The following TMEM117 variants were observed in gnomAD, a reference collection of about 807,000 sequenced individuals.
TMEM117 encodes the protein transmembrane protein 117.
TMEM117 carries 27 observed loss-of-function variants against 52.4 expected under a neutral mutation model. That is an observed-to-expected ratio of 0.51 (90% confidence interval 0.38 to 0.71). TMEM117 has a LOEUF of 0.71. Among genes scored for constraint, TMEM117 ranks in the 30% least tolerant of loss-of-function variants. The pLI is 0.00. For synonymous variants in TMEM117, 215 were observed against 206.3 expected (o/e 1.04, Z -0.36); for missense variants, 556 against 630.5 (o/e 0.88, Z 1.26).
intron 3 of TMEM117, among the ~76,000 whole-genome samples, chr12:44,121,042 G>A (rs191958432): frequency 2.0e-5 from 3 of 152,182 alleles, no homozygotes; most frequent in African/African-American, 4.8e-5. Flanking sequence ...TGAGAGGCAC[G>A]TGTTACATGG....
intron 3 of TMEM117, among the ~76,000 whole-genome samples, chr12:43,988,967 G>A (rs1270497270): frequency 3.9e-5 from 6 of 152,056 alleles, no homozygotes; most frequent in Admixed American, 3.9e-4. Flanking sequence ...AACTACAGTT[G>A]ATAGGTAGTG....
intron 3 of TMEM117, among the ~76,000 whole-genome samples, chr12:43,994,676 A>G (rs1162952076): frequency 4.6e-5 from 7 of 152,090 alleles, no homozygotes; most frequent in South Asian, 4.1e-4. Flanking sequence ...TTCCTTTTCA[A>G]TTAATTGAAA....
At chr12:44,335,189 C>T (rs1356755708) in intron 6 of TMEM117, among the ~76,000 whole-genome samples, 1 of 151,868 alleles carries the variant, frequency 6.6e-6, no homozygotes, top group African/African-American at 2.4e-5. Flanking sequence ...GGATATGTGG[C>T]CTGAAGTCAG....
At chr12:44,206,743 A>G (rs1457672642) in intron 4 of TMEM117, among the ~76,000 whole-genome samples, 1 of 152,190 alleles carries the variant, frequency 6.6e-6, no homozygotes, top group Non-Finnish European at 1.5e-5. Flanking sequence ...ATTCTAACTT[A>G]TAAGTGGCAT....
At chr12:43,997,103 A>G (rs1242560839) in intron 3 of TMEM117, among the ~76,000 whole-genome samples, 1 of 152,208 alleles carries the variant, frequency 6.6e-6, no homozygotes, top group Non-Finnish European at 1.5e-5. Flanking sequence ...CATTTGCTTT[A>G]GAAGGGTAAA....
chr12:44,234,489 T>G (rs998987610), intron 5 of TMEM117, among the ~76,000 whole-genome samples: 4 of 151,282 alleles, frequency 2.6e-5, no homozygotes, highest in African/African-American at 9.7e-5. Context: ...TGTGCTTCTT[T>G]TCTTCATTAT....
At chr12:43,797,711 C>G in the TMEM117 span, 2 of 1,611,538 alleles carry the variant, frequency 1.2e-6, no homozygotes, top group Non-Finnish European at 8.5e-7. Flanking sequence ...CTCTTACCAA[C>G]TGCACATAGT....
At chr12:44,141,087 A>G (rs1353460931) in intron 3 of TMEM117, among the ~76,000 whole-genome samples, 8 of 152,078 alleles carry the variant, frequency 5.3e-5, no homozygotes, top group Admixed American at 2.6e-4. Context: ...CATTGCCTCA[A>G]CAATTTTAAT....
At chr12:44,303,215 G>T (rs1950863730) in intron 6 of TMEM117, among the ~76,000 whole-genome samples, 1 of 151,376 alleles carries the variant, frequency 6.6e-6, no homozygotes, top group African/African-American at 2.4e-5. Context: ...GGCTAATTTT[G>T]TATTTTTTTT....
intron 3 of TMEM117, among the ~76,000 whole-genome samples, chr12:44,066,884 T>C (rs972152854): frequency 1.3e-5 from 2 of 152,196 alleles, no homozygotes; most frequent in African/African-American, 2.4e-5. Flanking sequence ...CTGTAGCATG[T>C]GATGCTGTTT....
At chr12:44,146,388 C>T (rs1013648247) in intron 4 of TMEM117, among the ~76,000 whole-genome samples, 1 of 152,190 alleles carries the variant, frequency 6.6e-6, no homozygotes. Context: ...TCAAGAAAAC[C>T]GTGTTCTAGG....
intron 4 of TMEM117, among the ~76,000 whole-genome samples, chr12:44,190,345 C>T (rs1342778370): frequency 6.6e-6 from 1 of 152,112 alleles, no homozygotes; most frequent in Non-Finnish European, 1.5e-5. Context: ...CTATGCTTCT[C>T]AATGAAGGGT....
At chr12:44,365,651 A>T (rs779652607) in intron 6 of TMEM117, among the ~76,000 whole-genome samples, 10 of 152,098 alleles carry the variant, frequency 6.6e-5, no homozygotes, top group Non-Finnish European at 1.2e-4. Context: ...TAGACTAAAT[A>T]TATCAAATGC....
Position 44,075,102 on chromosome 12 carries a change from A to G in TMEM117, c.411-68423A>G, listed in dbSNP as rs140639633. On this transcript the variant is annotated intron_variant, in intron 3 of 7. Coordinates refer to ENST00000266534, the MANE Select transcript of TMEM117 (RefSeq NM_032256.3). Reference sequence around the variant, plus strand: ...CTGATTTTTTTAGACTGGCTTAGTCATAACTTTGTCTACATGTAAGAGACT... The same window carrying G: ...CTGATTTTTTTAGACTGGCTTAGTCGTAACTTTGTCTACATGTAAGAGACT... Among the ~76,000 whole-genome samples, 947 of 152,302 alleles carry G rather than the reference A, an allele frequency of 6.2e-3. 15 individuals carry two copies. The highest frequency in any genetic ancestry group is 0.027 in the Admixed American group (409 of 15,292).
the TMEM117 span, chr12:43,802,494 T>C: frequency 1.9e-6 from 3 of 1,545,900 alleles, no homozygotes; most frequent in African/African-American, 2.7e-5. Context: ...GAAAGATAGG[T>C]AAATGGTTTG....
intron 5 of TMEM117, among the ~76,000 whole-genome samples, chr12:44,287,422 T>C (rs1242003978): frequency 6.6e-6 from 1 of 152,166 alleles, no homozygotes; most frequent in Non-Finnish European, 1.5e-5. Context: ...CCCCAAGAAG[T>C]ATGGTCCAGA....
intron 2 of TMEM117, among the ~76,000 whole-genome samples, chr12:43,869,909 CT>C (rs1943673724): frequency 6.6e-6 from 1 of 152,168 alleles, no homozygotes; most frequent in South Asian, 2.1e-4. Flanking sequence ...GATCCTCTCC[CT>C]TCTCCCACCA....
At chr12:44,049,198 AT>A (rs1179967583) in intron 3 of TMEM117, among the ~76,000 whole-genome samples, 1 of 152,224 alleles carries the variant, frequency 6.6e-6, no homozygotes, top group Non-Finnish European at 1.5e-5. Flanking sequence ...GATAAAGCAA[AT>A]ATGGTACATA....
chr12:43,823,597 C>T, the TMEM117 span, among the ~76,000 whole-genome samples: 3 of 152,114 alleles, frequency 2.0e-5, no homozygotes. Context: ...GCAACTTCCG[C>T]CTCCCAGGTT....
Sources: allele counts gnomAD v4.1 joint callset (sites outside exome capture counted in the v4.1 genomes callset), GRCh38; gene constraint gnomAD v4.1.1; transcripts MANE v1.5; gene names NCBI Gene and HGNC (gene_info 2026-07-23, HGNC 2026-07-21).